Variants in NME6 observed in about 807,000 individuals in gnomAD.
The protein encoded by NME6 is NME/NM23 nucleoside diphosphate kinase 6.
A neutral mutation model predicts 22.2 loss-of-function variants in NME6; 16 were observed. That is an observed-to-expected ratio of 0.72 (90% CI 0.49 to 1.09). The LOEUF is 1.09. NME6 is among the 50% of genes least tolerant of loss of function. The pLI, the probability that NME6 is intolerant of heterozygous loss-of-function variation, is 0.00. For synonymous variants in NME6, 58 were observed against 85.2 expected (o/e 0.68, Z 1.76); for missense variants, 229 against 239.0 (o/e 0.96, Z 0.28).
rs1373706016 is a variant in NME6 at position 48,293,971 on chromosome 3, C to T, written c.*666G>A. On this transcript the variant is annotated 3_prime_UTR_variant, in exon 6 of 6. Coordinates refer to ENST00000442597, the MANE Select transcript of NME6 (RefSeq NM_001308426.2). ...AGAATGATGAAGCCTGAAAAGTTTCCCCTAAATGTGGCAGCATAAAGGATT... is the reference window on the plus strand; with the variant it reads ...AGAATGATGAAGCCTGAAAAGTTTCTCCTAAATGTGGCAGCATAAAGGATT... 6.6e-6 allele frequency: 1 copy of T among 152,136 alleles called. No homozygotes were observed. The highest frequency in any genetic ancestry group is 1.5e-5 in the Non-Finnish European group (1 of 68,016). 9.4% of individuals were successfully genotyped at this position (152,136 alleles called of 1,614,324 possible). A position where few individuals can be genotyped will look rare whatever the true frequency, so the allele number is the denominator to read the frequency against.
intron 5 of NME6, 60 bp from the exon 6 acceptor site, chr3:48,294,863 T>C: frequency 6.4e-7 from 1 of 1,569,578 alleles, no homozygotes; most frequent in Non-Finnish European, 8.7e-7. Flanking sequence ...GAGGCAGTCA[T>C]AATCAGGTTC....
chr3:48,300,946 G>A (rs893447657), intron 1 of NME6, among the ~76,000 whole-genome samples: 2 of 152,120 alleles, frequency 1.3e-5, no homozygotes, highest in African/African-American at 4.8e-5. Context: ...TACTAGGGAG[G>A]CTGAGGCAGG....
At chr3:48,301,269 C>A (rs756844132) in intron 1 of NME6, 84 bp downstream of exon 1, 1 of 1,595,326 alleles carries the variant, frequency 6.3e-7, no homozygotes, top group South Asian at 1.1e-5. Context: ...GCAGCCCTCA[C>A]CCCTCGTACC....
chr3:48,299,008 T>C (rs769735771), intron 1 of NME6: 1 of 702,928 alleles, frequency 1.4e-6, no homozygotes, highest in African/African-American at 1.7e-5. Context: ...ACTGAGGTGC[T>C]ACCAGGATAC....
chr3:48,287,878 G>A (rs547493660), downstream of NME6, among the ~76,000 whole-genome samples: 1 of 152,264 alleles, frequency 6.6e-6, no homozygotes, highest in South Asian at 2.1e-4. Flanking sequence ...GGCTGTTTTT[G>A]TTACTTTCCT....
chr3:48,299,596 ATG>A (rs1400182689), intron 1 of NME6, among the ~76,000 whole-genome samples: 1 of 152,026 alleles, frequency 6.6e-6, no homozygotes, highest in Admixed American at 6.6e-5. Context: ...TATAATATAT[ATG>A]TGTGTATATA....
chr3:48,288,983 CTGTGG>C, downstream of NME6, among the ~76,000 whole-genome samples: 1 of 152,210 alleles, frequency 6.6e-6, no homozygotes. Context: ...CTGAAGAGTG[CTGTGG>C]GGGAGTGCCG....
At chr3:48,300,186 C>A (rs1013834027) in intron 1 of NME6, 4 of 455,354 alleles carry the variant, frequency 8.8e-6, no homozygotes, top group Non-Finnish European at 1.8e-5. Context: ...CCCTCCTTAA[C>A]CCTTTAAAGG....
At chr3:48,288,693 TA>T (rs536652484), downstream of NME6, 90 of 146,546 alleles carry the variant, frequency 6.1e-4, no homozygotes, top group African/African-American at 1.8e-3. Context: ...GACCAGTCTT[TA>T]AAAAAAAAAA....
At chr3:48,290,980 C>T (rs540737471), downstream of NME6, 46 of 288,506 alleles carry the variant, frequency 1.6e-4, no homozygotes, top group Non-Finnish European at 2.9e-4. Flanking sequence ...CCTTCCTGTG[C>T]GTGGTAATTT....
At position 48,294,662 on chromosome 3, in the gene NME6, C is replaced by G; in HGVS notation, c.536G>C (p.Gly179Ala). The change falls in exon 6 of 6, where the codon GGA becomes GCA. Residue 179 changes from glycine (G) to alanine (A), a missense_variant. Physicochemically the swap from Gly to Ala is moderately conservative, Grantham distance 60. Transcript: ENST00000442597. ...SPEGGVHYVAGTGGLGPA is the reference protein window; with the variant it reads ...SPEGGVHYVAATGGLGPA ...TCAGGCTGGTCCTAGGCCTCCTGTT[C>G]CAGCTACATAGTGGACACCTCCCTC... 5.6e-6 allele frequency: 9 copies of G among 1,614,158 alleles called. No homozygotes were observed. The highest frequency in any genetic ancestry group is 6.8e-6 in the Non-Finnish European group (8 of 1,180,030).
chr3:48,290,115 C>T (rs2034354403), downstream of NME6, among the ~76,000 whole-genome samples: 1 of 151,352 alleles, frequency 6.6e-6, no homozygotes, highest in African/African-American at 2.4e-5. Context: ...GGCTGGAGAG[C>T]AGTGGCACAA....
Position 48,295,139 on chromosome 3 carries a change from C to T in NME6, c.330G>A (p.Val110=), listed in dbSNP as rs199785467. ...AACTCCCACGGATAGAATCTGGGGC[C>T]ACATGGCGTGCTCGGAACACTCTGG... ...GPTRVFRARH[V]APDSIRGSFG... The change falls in exon 5 of 6, where the codon GTG becomes GTA. Residue 110 remains valine (V), a synonymous_variant. Coordinates refer to ENST00000442597, the MANE Select transcript of NME6 (RefSeq NM_001308426.2). 232 of 1,614,196 alleles carry T rather than the reference C, an allele frequency of 1.4e-4. No homozygotes were observed. The highest frequency in any genetic ancestry group is 1.2e-4 in the Non-Finnish European group (140 of 1,180,040).
chr3:48,294,471 A>C lies in NME6; in HGVS notation c.*166T>G. On this transcript the variant is annotated 3_prime_UTR_variant, in exon 6 of 6. Transcript: ENST00000442597. ...ACATTCCAGAGAAGAGGTAGATAGA[A>C]GGCTAGATCCTGGAGGATGTGCTGT... The C allele has an allele frequency of 1.6e-6, 1 of 607,394 alleles. No individual in the cohort carries two copies. The highest frequency in any genetic ancestry group is 2.9e-6 in the Non-Finnish European group (1 of 344,764). The allele number at this position is 607,394 out of a possible 1,614,324, so 37.6% of individuals were successfully genotyped here.
chr3:48,294,548 A>G lies in NME6; in HGVS notation c.*89T>C. 4 of 1,430,904 alleles carry G rather than the reference A, an allele frequency of 2.8e-6. No homozygotes were observed. Among genetic ancestry groups the G allele is most frequent in the Non-Finnish European group, 3.8e-6 (4 of 1,039,676 alleles). 88.6% of individuals were successfully genotyped at this position (1,430,904 alleles called of 1,614,324 possible). A position where few individuals can be genotyped will look rare whatever the true frequency, so the allele number is the denominator to read the frequency against. On this transcript the variant is annotated 3_prime_UTR_variant, in exon 6 of 6. Coordinates refer to ENST00000442597, the MANE Select transcript of NME6 (RefSeq NM_001308426.2). ...TGGTGCCCAGCAGAAATGGCACTGT[A>G]AGCCAGGCTTCCCTGGTCCTAGGAG... is the stretch of plus-strand genomic sequence containing the variant.
chr3:48,298,198 G>A (rs1350592816), intron 2 of NME6: 7 of 569,602 alleles, frequency 1.2e-5, no homozygotes, highest in Non-Finnish European at 2.2e-5. Flanking sequence ...AATACACATT[G>A]TCTTGATATT....
chr3:48,291,693 GT>G (rs2034487705), downstream of NME6: 1 of 153,114 alleles, frequency 6.5e-6, no homozygotes, highest in Non-Finnish European at 1.4e-5. Flanking sequence ...CCTATTTTTA[GT>G]TTTTATAGAG....
In NME6 at chr3:48,296,100, G is replaced by A; in HGVS notation, c.233+19C>T. The A allele has an allele frequency of 1.3e-6, 2 of 1,549,522 alleles. No homozygotes were observed. The highest frequency in any genetic ancestry group is 1.8e-6 in the Non-Finnish European group (2 of 1,121,040). On this transcript the variant is annotated intron_variant, in intron 4 of 5. Transcript: ENST00000442597. ...ATTAGCCTCAGTGGATAAAGATGCT[G>A]GAACCAAATTTGAAGTACCTGGCCA...
intron 2 of NME6, among the ~76,000 whole-genome samples, 183 bp from the exon 3 acceptor site, chr3:48,297,012 G>A (rs997875830): frequency 6.6e-6 from 1 of 152,042 alleles, no homozygotes; most frequent in African/African-American, 2.4e-5. Flanking sequence ...GGGTGAAAGG[G>A]GATAGGATGC....
Sources: allele counts gnomAD v4.1 joint callset (sites outside exome capture counted in the v4.1 genomes callset), GRCh38; gene constraint gnomAD v4.1.1; transcripts MANE v1.5; gene names NCBI Gene and HGNC (gene_info 2026-07-23, HGNC 2026-07-21).